Variants in MSRB1 observed in about 807,000 individuals in gnomAD.
The protein encoded by MSRB1 is methionine-R-sulfoxide reductase B1.
In MSRB1, 13 loss-of-function variants were observed where a neutral mutation model predicts 15.2. The ratio of observed to expected loss-of-function variants is 0.86; its 90% CI spans 0.56 to 1.36. The LOEUF is 1.36. Among genes scored for constraint, MSRB1 ranks in the 40% most tolerant of loss-of-function variants. The pLI is 0.00. For synonymous variants in MSRB1, 68 were observed against 64.5 expected (o/e 1.05, Z -0.26); for missense variants, 174 against 155.9 (o/e 1.12, Z -0.62).
intron 3 of MSRB1, among the ~76,000 whole-genome samples, chr16:1,939,996 G>A (rs528648276): frequency 6.6e-6 from 1 of 151,850 alleles, no homozygotes; most frequent in African/African-American, 2.4e-5. Flanking sequence ...TGTGGGCTGG[G>A]CGTGGTGGCT....
Position 1,939,095 on chromosome 16 carries a change from G to A in MSRB1, c.*17C>T, listed in dbSNP as rs1382231858. 1.2e-6 allele frequency: 2 copies of A among 1,612,868 alleles called. No individual in the cohort carries two copies. The highest frequency in any genetic ancestry group is 1.7e-5 in the Admixed American group (1 of 59,888). On this transcript the variant is annotated 3_prime_UTR_variant, in exon 4 of 4. Coordinates refer to ENST00000361871, the MANE Select transcript of MSRB1 (RefSeq NM_016332.4). ...CCTCAGTGTGGTGGCCGTCTGGGGT[G>A]GGTGTGGGCTGCCCGCCTAGTGACC... is the stretch of plus-strand genomic sequence containing the variant.
At chr16:1,941,552 G>T in intron 1 of MSRB1, 147 bp from the exon 2 acceptor site, 1 of 1,134,048 alleles carries the variant, frequency 8.8e-7, no homozygotes, top group African/African-American at 1.6e-5. Context: ...GCCACGGGAG[G>T]CGCTGTGCTG....
chr16:1,939,890 G>A (rs963195551), intron 3 of MSRB1, among the ~76,000 whole-genome samples: 1 of 151,238 alleles, frequency 6.6e-6, no homozygotes, highest in African/African-American at 2.4e-5. Context: ...GGAAGCAGAG[G>A]CTACATTGAG....
At position 1,940,824 on chromosome 16, in the gene MSRB1, C is replaced by T; in HGVS notation, c.273G>A (p.Gln91=). The change falls in exon 3 of 4, where the codon CAG becomes CAA. Residue 91 remains glutamine (Q), a synonymous_variant. Coordinates refer to ENST00000361871, the MANE Select transcript of MSRB1 (RefSeq NM_016332.4). ...AGCTGCTGAATATTCAGAATCGGGA[C>T]TGCCCCGGCTTGGGGCCGTCGTTCA... is the stretch of plus-strand genomic sequence containing the variant. ...EFLNDGPKPG[Q]SRFUIFSSSL... is the part of the protein sequence containing the mutation. 1 of 1,614,162 alleles carries T rather than the reference C, an allele frequency of 6.2e-7. No individual in the cohort carries two copies. Among genetic ancestry groups the T allele is most frequent in the Non-Finnish European group, 8.5e-7 (1 of 1,180,042 alleles).
intron 1 of MSRB1, among the ~76,000 whole-genome samples, chr16:1,942,692 C>T (rs1339157272): frequency 1.3e-5 from 2 of 152,262 alleles, no homozygotes; most frequent in Non-Finnish European, 2.9e-5. Context: ...AAGGGGCGCC[C>T]CGGCCACAGG....
rs1473526668 is a variant in MSRB1 at position 1,941,335 on chromosome 16, T to C, written c.126A>G (p.Pro42=). 2 of 1,602,312 alleles carry C rather than the reference T, an allele frequency of 1.2e-6. No homozygotes were observed. The highest frequency in any genetic ancestry group is 1.4e-5 in the African/African-American group (1 of 70,788). ...GAATGGTCTCGGTGAACGCCGGCCA[T>C]GGAGACGAGTGTGCATACTTCGAGC... is the stretch of plus-strand genomic sequence containing the variant. The part of the protein sequence containing the change: ...SSRSKYAHSS[P]WPAFTETIHA... The change falls in exon 2 of 4, where the codon CCA becomes CCG. Residue 42 remains proline (P), a synonymous_variant. Coordinates refer to ENST00000361871, the MANE Select transcript of MSRB1 (RefSeq NM_016332.4).
chr16:1,940,951 G>T (rs769203965), intron 2 of MSRB1, 59 bp from the exon 3 acceptor site: 1 of 1,610,050 alleles, frequency 6.2e-7, no homozygotes, highest in South Asian at 1.1e-5. Context: ...CACAGTGAAG[G>T]CCCTTACTGG....
Position 1,940,785 on chromosome 16 carries a change from G to C in MSRB1, c.312C>G (p.Val104=), listed in dbSNP as rs750701559. ...FUIFSSSLKF[V]PKGKETSASQ... ...TGTGCAAAGCAAGCTCACCTTTAGG[G>C]ACAAACTTCAGCGAGCTGCTGAATA... The change falls in exon 3 of 4, where the codon GTC becomes GTG. Residue 104 remains valine (V), a synonymous_variant. Transcript: ENST00000361871. 1 of 1,613,218 alleles carries C rather than the reference G, an allele frequency of 6.2e-7. No homozygotes were observed. Among genetic ancestry groups the C allele is most frequent in the Non-Finnish European group, 8.5e-7 (1 of 1,179,410 alleles).
In MSRB1 at chr16:1,938,450, C is replaced by G. The variant is rs1376554170; in HGVS notation, c.*662G>C. 6.5e-6 allele frequency: 1 copy of G among 154,244 alleles called. No individual in the cohort carries two copies. Among genetic ancestry groups the G allele is most frequent in the African/African-American group, 2.4e-5 (1 of 41,458 alleles). 9.6% of individuals were successfully genotyped at this position (154,244 alleles called of 1,614,324 possible). On this transcript the variant is annotated 3_prime_UTR_variant, in exon 4 of 4. Coordinates refer to ENST00000361871, the MANE Select transcript of MSRB1 (RefSeq NM_016332.4). ...GGTTAGAGTTATGGAGCAACAGCCG[C>G]TTTCCTAAGCAGAAGTGAGGCAAGC...
intron 1 of MSRB1, chr16:1,941,634 T>C: frequency 6.7e-6 from 4 of 596,266 alleles, no homozygotes; most frequent in South Asian, 2.1e-5. Flanking sequence ...ATTCTTCTCA[T>C]AGCCCCGTGA....
intron 1 of MSRB1, 43 bp downstream of exon 1, chr16:1,943,059 C>G (rs1377484045): frequency 6.5e-7 from 1 of 1,548,162 alleles, no homozygotes; most frequent in Non-Finnish European, 8.7e-7. Context: ...TAATGCGCGC[C>G]CCCCGCCGCG....
rs201743727 is a variant in MSRB1 at position 1,941,356 on chromosome 16, C to A, written c.105G>T (p.Ser35=). 1.9e-6 allele frequency: 3 copies of A among 1,613,836 alleles called. No individual in the cohort carries two copies. Among genetic ancestry groups the A allele is most frequent in the Non-Finnish European group, 2.5e-6 (3 of 1,179,984 alleles). ...KCGYELFSSR[S]KYAHSSPWPA... ...GCCATGGAGACGAGTGTGCATACTTCGAGCGGCTGGAGAACAGCTCATAGC... is the reference window on the plus strand; with the variant it reads ...GCCATGGAGACGAGTGTGCATACTTAGAGCGGCTGGAGAACAGCTCATAGC... Residue 35 remains serine (S), a synonymous_variant, in exon 2 of 4, where the codon TCG becomes TCT. Coordinates refer to ENST00000361871, the MANE Select transcript of MSRB1 (RefSeq NM_016332.4).
chr16:1,943,025 C>A (rs972415321), intron 1 of MSRB1, 77 bp downstream of exon 1: 4 of 1,535,558 alleles, frequency 2.6e-6, no homozygotes, highest in Non-Finnish European at 3.5e-6. Flanking sequence ...AGACATCACC[C>A]CCGGACGACG....
chr16:1,940,963 G>A, intron 2 of MSRB1, 71 bp from the exon 3 acceptor site: 1 of 1,603,046 alleles, frequency 6.2e-7, no homozygotes, highest in Non-Finnish European at 8.5e-7. Flanking sequence ...CCTTACTGGG[G>A]CTGGCAGATG....
In MSRB1 at chr16:1,940,843, T is replaced by A. The variant is rs1402980660; in HGVS notation, c.254A>T (p.Asp85Val). 1 of 1,614,104 alleles carries A rather than the reference T, an allele frequency of 6.2e-7. No homozygotes were observed. Among genetic ancestry groups the A allele is most frequent in the Non-Finnish European group, 8.5e-7 (1 of 1,180,038 alleles). The change falls in exon 3 of 4, where the codon GAC becomes GTC. Residue 85 changes from aspartate to valine, a missense_variant. By Grantham distance (152) the Asp-to-Val change is radical. Transcript: ENST00000361871. Reference sequence around the variant, plus strand: ...TCGGGACTGCCCCGGCTTGGGGCCGTCGTTCAGGAACTCGTGGCCCAACCC... The same window carrying A: ...TCGGGACTGCCCCGGCTTGGGGCCGACGTTCAGGAACTCGTGGCCCAACCC... ...GNGLGHEFLN[D>V]GPKPGQSRFU...
At position 1,941,123 on chromosome 16, in the gene MSRB1, G is replaced by C. The variant is rs1182530390; in HGVS notation, c.204+134C>G. ...CGATAGCCTGGGGTGGCAGCTCCCT[G>C]GCAGAGGCAACAGGCCTGGAATAGA... On this transcript the variant is annotated intron_variant, in intron 2 of 3. Coordinates refer to ENST00000361871, the MANE Select transcript of MSRB1 (RefSeq NM_016332.4). The C allele has an allele frequency of 3.2e-6, 5 of 1,552,000 alleles. No homozygotes were observed. The African/African-American group carries it at 6.8e-5, about 21-fold the overall frequency.
At chr16:1,942,591 G>A (rs1173266918) in intron 1 of MSRB1, among the ~76,000 whole-genome samples, 1 of 152,244 alleles carries the variant, frequency 6.6e-6, no homozygotes, top group Non-Finnish European at 1.5e-5. Context: ...AGGATCTGAA[G>A]GGGACATTCT....
chr16:1,940,117 C>T (rs932407212), intron 3 of MSRB1, among the ~76,000 whole-genome samples: 53 of 152,022 alleles, frequency 3.5e-4, no homozygotes, highest in Middle Eastern at 6.8e-3. Context: ...ACTAAAAATA[C>T]AAAAATTAGC....
Position 1,940,797 on chromosome 16 carries a change from CGAGCTGCTGAATATT to C in MSRB1, c.285_299del (p.Sec95_Ser100delinsTrp). ...GCTCACCTTTAGGGACAAACTTCAGCGAGCTGCTGAATATTCAGAATCGGGACTGCCCCGGCTTGG... is the reference window on the plus strand; with the variant it reads ...GCTCACCTTTAGGGACAAACTTCAGCCAGAATCGGGACTGCCCCGGCTTGG... On this transcript the variant is annotated inframe_deletion, in exon 3 of 4. Transcript: ENST00000361871. 6.2e-7 allele frequency: 1 copy of C among 1,613,580 alleles called. No homozygotes were observed.
Sources: gnomAD v4.1 joint callset for allele counts (sites outside exome capture counted in the v4.1 genomes callset) on GRCh38, gnomAD v4.1.1 for gene constraint, MANE v1.5 for transcripts, NCBI Gene and HGNC (gene_info 2026-07-23, HGNC 2026-07-21) for gene names.